MARCHF1: variants seen among roughly 807,000 people sequenced by gnomAD.
The protein encoded by MARCHF1 is membrane associated ring-CH-type finger 1.
In MARCHF1, 40 loss-of-function variants were observed where a neutral mutation model predicts 54.2. That is an observed-to-expected ratio of 0.74 (90% CI 0.57 to 0.96). The LOEUF (loss-of-function observed/expected upper bound fraction) is 0.96. Among genes scored for constraint, MARCHF1 ranks in the 40% least tolerant of loss-of-function variants. The pLI, the probability that MARCHF1 is intolerant of heterozygous loss-of-function variation, is 0.00. For missense variants in MARCHF1, 586 were observed against 656.5 expected, an observed-to-expected ratio of 0.89 and a Z score of 1.17; for synonymous variants, 236 against 236.3, an observed-to-expected ratio of 1.00 and a Z score of 0.01.
chr4:163,920,649 C>T (rs1165944540), intron 3 of MARCHF1, among the ~76,000 whole-genome samples: 1 of 152,114 alleles, frequency 6.6e-6, no homozygotes, highest in Non-Finnish European at 1.5e-5. Context: ...TGGGATCCTG[C>T]CCTCTGAGCT....
intron 7 of MARCHF1, among the ~76,000 whole-genome samples, chr4:163,610,035 G>A (rs1338874926): frequency 6.6e-6 from 1 of 151,936 alleles, no homozygotes; most frequent in East Asian, 1.9e-4. Context: ...TCCCTGTTGT[G>A]CTAATGGCAT....
chr4:164,197,556 T>A, intron 1 of MARCHF1: 1 of 1,613,382 alleles, frequency 6.2e-7, no homozygotes, highest in Non-Finnish European at 8.5e-7. Context: ...AGGTGAGGCC[T>A]CCGTTGATTT....
At chr4:163,980,353 T>C (rs557883136) in intron 3 of MARCHF1, among the ~76,000 whole-genome samples, 2 of 138,348 alleles carry the variant, frequency 1.4e-5, no homozygotes, top group Non-Finnish European at 3.1e-5. Flanking sequence ...TTACACCTTA[T>C]ACAAAAATCA....
At chr4:163,863,304 G>C (rs535581745) in intron 3 of MARCHF1, among the ~76,000 whole-genome samples, 23 of 152,194 alleles carry the variant, frequency 1.5e-4, no homozygotes, top group African/African-American at 4.8e-4. Context: ...CTTTAGAAAG[G>C]AGTGCAGTCT....
chr4:164,041,315 C>T (rs1754124512), intron 2 of MARCHF1, among the ~76,000 whole-genome samples: 1 of 152,166 alleles, frequency 6.6e-6, no homozygotes, highest in Non-Finnish European at 1.5e-5. Flanking sequence ...ATATCCCCCT[C>T]TTTCAACCAC....
intron 5 of MARCHF1, among the ~76,000 whole-genome samples, chr4:163,658,048 C>A (rs997265877): frequency 6.6e-6 from 1 of 151,468 alleles, no homozygotes; most frequent in African/African-American, 2.4e-5. Context: ...GCGACAAAAG[C>A]TAAAATTGAT....
At chr4:164,136,949 A>T (rs1347951869) in intron 1 of MARCHF1, among the ~76,000 whole-genome samples, 4 of 152,212 alleles carry the variant, frequency 2.6e-5, no homozygotes, top group Admixed American at 2.6e-4. Flanking sequence ...AAAGCTTAGG[A>T]ACACAGATGC....
chr4:163,555,145 T>C (rs1739241440), intron 8 of MARCHF1, among the ~76,000 whole-genome samples: 1 of 152,220 alleles, frequency 6.6e-6, no homozygotes, highest in African/African-American at 2.4e-5. Flanking sequence ...AGGGTAGATA[T>C]AATATGTGGG....
At chr4:164,147,230 G>A (rs369473937) in intron 1 of MARCHF1, among the ~76,000 whole-genome samples, 1 of 149,154 alleles carries the variant, frequency 6.7e-6, no homozygotes, top group African/African-American at 2.5e-5. Context: ...TGGTGGGACT[G>A]TAAACTAGTT....
At chr4:164,020,368 T>A (rs1232527348) in intron 2 of MARCHF1, among the ~76,000 whole-genome samples, 1 of 152,160 alleles carries the variant, frequency 6.6e-6, no homozygotes, top group Non-Finnish European at 1.5e-5. Context: ...GGATTCTGGA[T>A]AAAATATGAG....
intron 3 of MARCHF1, among the ~76,000 whole-genome samples, chr4:163,988,271 G>C (rs1446825116): frequency 6.6e-6 from 1 of 152,190 alleles, no homozygotes; most frequent in African/African-American, 2.4e-5. Flanking sequence ...GTTTCCATCT[G>C]TCAAGTAGGA....
At chr4:163,771,755 A>G (rs1399770842) in intron 4 of MARCHF1, among the ~76,000 whole-genome samples, 1 of 152,298 alleles carries the variant, frequency 6.6e-6, no homozygotes, top group Middle Eastern at 3.4e-3. Context: ...AGCAATTCTG[A>G]TCTCAAGGGT....
chr4:163,997,132 G>A (rs1753092316), intron 2 of MARCHF1, among the ~76,000 whole-genome samples: 4 of 152,006 alleles, frequency 2.6e-5, no homozygotes, highest in South Asian at 4.1e-4. Context: ...AGAGAAGACA[G>A]AGGATGATGC....
Position 163,934,498 on chromosome 4 carries a change from G to A in MARCHF1, c.-39+54003C>T, listed in dbSNP as rs572523634. Among the ~76,000 whole-genome samples the A allele has an allele frequency of 7.0e-5, 10 of 143,546 alleles. No individual in the cohort carries two copies. The East Asian group carries it at 1.7e-3, about 24-fold the overall frequency. 94.2% of individuals were successfully genotyped at this position (143,546 alleles called of 152,430 possible). On this transcript the variant is annotated intron_variant, in intron 3 of 9. Transcript: ENST00000514618. ...TGCTTGAACCCAAAATTTGAATGCC[G>A]CAGTGAGCCATGATCATGCCATGGC...
intron 1 of MARCHF1, among the ~76,000 whole-genome samples, chr4:164,199,675 C>CAGAGAG (rs1320121142): frequency 1.5e-4 from 8 of 54,470 alleles, no homozygotes; most frequent in South Asian, 6.7e-4. Flanking sequence ...CACACACACA[C>CAGAGAG]ACACACAGAG....
At chr4:163,764,905 A>T (rs1746931028) in intron 4 of MARCHF1, among the ~76,000 whole-genome samples, 1 of 152,150 alleles carries the variant, frequency 6.6e-6, no homozygotes, top group Admixed American at 6.5e-5. Flanking sequence ...AAACACAGCC[A>T]TTACTCAGAA....
At chr4:163,786,411 C>T (rs746491051) in intron 4 of MARCHF1, among the ~76,000 whole-genome samples, 5 of 151,790 alleles carry the variant, frequency 3.3e-5, no homozygotes, top group Non-Finnish European at 7.4e-5. Flanking sequence ...AACAAATACA[C>T]CTTTTTTTCT....
At chr4:164,198,762 G>C (rs1214719058) in intron 1 of MARCHF1, among the ~76,000 whole-genome samples, 1 of 152,112 alleles carries the variant, frequency 6.6e-6, no homozygotes, top group Non-Finnish European at 1.5e-5. Context: ...TCAGTGAATT[G>C]GGAATAGAAG....
intron 1 of MARCHF1, among the ~76,000 whole-genome samples, chr4:164,201,835 T>C (rs567964881): frequency 6.6e-6 from 1 of 152,226 alleles, no homozygotes; most frequent in African/African-American, 2.4e-5. Context: ...AATTCCTTAG[T>C]ATAATGTATA....
Sources: gnomAD v4.1 joint callset for allele counts (sites outside exome capture counted in the v4.1 genomes callset) on GRCh38, gnomAD v4.1.1 for gene constraint, MANE v1.5 for transcripts, NCBI Gene and HGNC (gene_info 2026-07-23, HGNC 2026-07-21) for gene names.